TSC1: variants seen among roughly 807,000 people sequenced by gnomAD.
The protein encoded by TSC1 is hamartin.
TSC1 carries 20 observed loss-of-function variants against 124.3 expected under a neutral mutation model. The observed-to-expected ratio is 0.16, with a 90% CI of 0.11 to 0.23. The LOEUF is 0.23. Among genes scored for constraint, TSC1 ranks in the 10% least tolerant of loss-of-function variants. The pLI, the probability that TSC1 is intolerant of heterozygous loss-of-function variation, is 1.00. For synonymous variants in TSC1, 493 were observed against 539.1 expected, an observed-to-expected ratio of 0.91 and a Z score of 1.19; for missense variants, 1,124 against 1,448.5, an observed-to-expected ratio of 0.78 and a Z score of 3.64.
chr9:132,939,417 G>C (rs1455350578), intron 1 of TSC1: 2 of 152,164 alleles, frequency 1.3e-5, no homozygotes, highest in Admixed American at 6.5e-5. Flanking sequence ...GGACAAACTG[G>C]GGCAGGAGAG....
At chr9:132,927,455 A>T in intron 3 of TSC1, 151 bp from the exon 4 acceptor site, 1 of 714,706 alleles carries the variant, frequency 1.4e-6, no homozygotes, top group South Asian at 1.6e-5. Context: ...TCTTAATTTA[A>T]TAATAAGATA....
intron 1 of TSC1, chr9:132,941,389 AAAG>A (rs1847730227): frequency 6.6e-6 from 1 of 152,222 alleles, no homozygotes; most frequent in East Asian, 1.9e-4. Context: ...TAAACCAGAG[AAAG>A]AATAATCTCA....
chr9:132,906,668 C>A lies in TSC1; in HGVS notation c.1438+63G>T, dbSNP rs1022966628. The A allele has an allele frequency of 1.7e-5, 24 of 1,427,638 alleles. No individual in the cohort carries two copies. In the Admixed American group the frequency reaches 2.9e-4, roughly 17 times the overall value. 88.4% of individuals were successfully genotyped at this position (1,427,638 alleles called of 1,614,324 possible). A position where few individuals can be genotyped will look rare whatever the true frequency, so the allele number is the denominator to read the frequency against. On this transcript the variant is annotated intron_variant, in intron 14 of 22. Coordinates refer to ENST00000298552, the MANE Select transcript of TSC1 (RefSeq NM_000368.5). The surrounding 1 kb of genome is among the most constrained non-coding windows in gnomAD (Gnocchi z 4.1). ...AAGCCTGTGAGCAATGGCACAAAATCCCAGATTTATAGCAGAGCGAGGGTC... is the reference window on the plus strand; with the variant it reads ...AAGCCTGTGAGCAATGGCACAAAATACCAGATTTATAGCAGAGCGAGGGTC...
intron 1 of TSC1, among the ~76,000 whole-genome samples, chr9:132,939,839 A>G (rs1847647251): frequency 6.6e-6 from 1 of 152,184 alleles, no homozygotes; most frequent in Non-Finnish European, 1.5e-5. Flanking sequence ...CACGAGCAGG[A>G]GCCTGGGTAT....
Position 132,893,917 on chromosome 9 carries a change from C to G in TSC1, c.*2318G>C, listed in dbSNP as rs1427722853. On this transcript the variant is annotated 3_prime_UTR_variant, in exon 23 of 23. Transcript: ENST00000298552. ...CAGGTTTATCATGTCCAAAACCAAA[C>G]CAAACCTAACTACTGACTCTGGAGT... The G allele has an allele frequency of 4.3e-6, 1 of 233,192 alleles. No individual in the cohort carries two copies. The highest frequency in any genetic ancestry group is 8.5e-6 in the Non-Finnish European group (1 of 118,056). The allele number at this position is 233,192 out of a possible 1,614,324, so 14.4% of individuals were successfully genotyped here. A position where few individuals can be genotyped will look rare whatever the true frequency, so the allele number is the denominator to read the frequency against.
chr9:132,904,520 T>C (rs1308177461), intron 15 of TSC1, 66 bp from the exon 16 acceptor site: 11 of 1,513,192 alleles, frequency 7.3e-6, no homozygotes, highest in Non-Finnish European at 9.2e-6. Context: ...ATCTGGACTT[T>C]TATTTGCAGC....
rs1845935791 is a variant in TSC1 at position 132,911,131 on chromosome 9, T to C, written c.1030-18A>G. ...AGAGTAGCCTGGGAAGTTAATAAAGTACATCAGCAGTGGCAAAGGAATGCT... is the reference window on the plus strand; with the variant it reads ...AGAGTAGCCTGGGAAGTTAATAAAGCACATCAGCAGTGGCAAAGGAATGCT... On this transcript the variant is annotated intron_variant, in intron 10 of 22. Transcript: ENST00000298552. 6.3e-7 allele frequency: 1 copy of C among 1,591,284 alleles called. No individual in the cohort carries two copies. The highest frequency in any genetic ancestry group is 8.6e-7 in the Non-Finnish European group (1 of 1,159,502).
chr9:132,913,917 T>TTA (rs1564491575), intron 8 of TSC1, among the ~76,000 whole-genome samples: 1 of 95,518 alleles, frequency 1.0e-5, no homozygotes, highest in Non-Finnish European at 2.1e-5. Context: ...TTTTTTTTTT[T>TTA]AGACAGAGTC....
rs1588355332 is a variant in TSC1, at chr9:132,925,621, G to A, written c.329C>T (p.Ala110Val). Residue 110 changes from alanine (A) to valine (V), a missense_variant, in exon 5 of 23, where the codon GCA becomes GTA. Around this residue, in one of 5 missense-constraint regions of TSC1, gnomAD observed 463 missense variants for 606.8 expected, o/e 0.76. Transcript: ENST00000298552. ...TTTTAGTAAAGAAGGCAAAAGAGGT[G>A]CTTGAGAGAGCTTATGCTTCCAAGA... ...QPSWKHKLSQ[A>V]PLLPSLLKCL... The A allele has an allele frequency of 6.2e-7, 1 of 1,614,214 alleles. No homozygotes were observed. The highest frequency in any genetic ancestry group is 8.5e-7 in the Non-Finnish European group (1 of 1,180,032).
chr9:132,906,582 C>T lies in TSC1; in HGVS notation c.1438+149G>A, dbSNP rs868866876. ...AAAAAAAAAAAGTGGCATCACTTTACCTGGCATAGGTCCCAGACTAAACCA... is the reference window on the plus strand; with the variant it reads ...AAAAAAAAAAAGTGGCATCACTTTATCTGGCATAGGTCCCAGACTAAACCA... On this transcript the variant is annotated intron_variant, in intron 14 of 22. Coordinates refer to ENST00000298552, the MANE Select transcript of TSC1 (RefSeq NM_000368.5). The surrounding 1 kb of genome is among the most constrained non-coding windows in gnomAD (Gnocchi z 4.1). 3.0e-6 allele frequency: 2 copies of T among 669,908 alleles called. No homozygotes were observed. 41.5% of individuals were successfully genotyped at this position (669,908 alleles called of 1,614,324 possible).
At chr9:132,900,908 G>A (rs1475719058) in intron 19 of TSC1, 71 bp from the exon 20 acceptor site, 2 of 1,607,270 alleles carry the variant, frequency 1.2e-6, no homozygotes, top group African/African-American at 2.7e-5. Flanking sequence ...CATTAAACAG[G>A]GAATCAGCTA....
chr9:132,910,772 T>C (rs954830320), intron 11 of TSC1, 80 bp from the exon 12 acceptor site: 1 of 1,589,790 alleles, frequency 6.3e-7, no homozygotes, highest in Non-Finnish European at 8.6e-7. Flanking sequence ...AGCCTATAAC[T>C]ATTACTATAA....
chr9:132,933,023 T>C (rs1176905181), intron 2 of TSC1, among the ~76,000 whole-genome samples: 2 of 152,244 alleles, frequency 1.3e-5, no homozygotes, highest in East Asian at 3.8e-4. Context: ...TCAGTCTCTA[T>C]ACTCAGCCAA....
rs775883753 is a variant in TSC1, at chr9:132,896,233, C to T, written c.*2G>A. ...AAGTTAACACTGATTGACCATCATT[C>T]CTTAGCTGTGTTCATGATGAGTCTC... On this transcript the variant is annotated 3_prime_UTR_variant, in exon 23 of 23. Coordinates refer to ENST00000298552, the MANE Select transcript of TSC1 (RefSeq NM_000368.5). The surrounding 1 kb of genome is among the most constrained non-coding windows in gnomAD (Gnocchi z 4.5). 2 of 1,614,208 alleles carry T rather than the reference C, an allele frequency of 1.2e-6. No homozygotes were observed. The highest frequency in any genetic ancestry group is 4.5e-5 in the East Asian group (2 of 44,884).
At chr9:132,920,654 T>A (rs1846501931) in intron 8 of TSC1, among the ~76,000 whole-genome samples, 1 of 151,994 alleles carries the variant, frequency 6.6e-6, no homozygotes, top group African/African-American at 2.4e-5. Context: ...TCCCTAAGTG[T>A]CAGTATCCAT....
intron 8 of TSC1, among the ~76,000 whole-genome samples, chr9:132,917,620 C>T (rs954402155): frequency 1.1e-4 from 16 of 152,224 alleles, no homozygotes; most frequent in African/African-American, 3.9e-4. Flanking sequence ...GCGTGAGCCA[C>T]TGCACCCGGC....
intron 2 of TSC1, among the ~76,000 whole-genome samples, chr9:132,933,965 C>G (rs886545632): frequency 6.6e-6 from 1 of 152,104 alleles, no homozygotes; most frequent in Admixed American, 6.5e-5. Flanking sequence ...AATGAAAAAT[C>G]AAACTCAGAA....
In TSC1 at chr9:132,910,578, G is replaced by C. The variant is rs878853959; in HGVS notation, c.1256C>G (p.Pro419Arg). 3.7e-6 allele frequency: 6 copies of C among 1,613,942 alleles called. No individual in the cohort carries two copies. The highest frequency in any genetic ancestry group is 5.1e-6 in the Non-Finnish European group (6 of 1,180,036). Residue 419 changes from proline to arginine, a missense_variant, in exon 12 of 23, where the codon CCC becomes CGC. Pro to Arg is a moderately radical substitution (Grantham distance 103). Transcript: ENST00000298552. ...ISLPQATVTP[P>R]RKEERMDSAR... ...AGACGAGCTGGATCGCACCTTCCTG[G>C]GGGGTGTGACTGTGGCCTGGGGGAG...
Position 132,910,693 on chromosome 9 carries a change from C to T in TSC1, c.1142-1G>A. 6.2e-7 allele frequency: 1 copy of T among 1,613,518 alleles called. No individual in the cohort carries two copies. The highest frequency in any genetic ancestry group is 8.5e-7 in the Non-Finnish European group (1 of 1,180,018). ...CCCAGAGGAGTTCCTTTTCCACCTG[C>T]TTAGAGACAAGGGCAGAACATATAT... is the stretch of plus-strand genomic sequence containing the variant. On this transcript the variant is annotated splice_acceptor_variant, in intron 11 of 22. Coordinates refer to ENST00000298552, the MANE Select transcript of TSC1 (RefSeq NM_000368.5). LOFTEE classifies it high-confidence loss of function.
Sources: allele counts gnomAD v4.1 joint callset (sites outside exome capture counted in the v4.1 genomes callset), GRCh38; gene constraint gnomAD v4.1.1; regional missense constraint gnomAD v4.1.1; non-coding constraint Gnocchi (gnomAD v3.1); transcripts MANE v1.5; gene names NCBI Gene and HGNC (gene_info 2026-07-23, HGNC 2026-07-21).